Variants in DPP10 observed in about 807,000 individuals in gnomAD.
The protein encoded by DPP10 is inactive dipeptidyl peptidase 10.
In DPP10, 33 loss-of-function variants were observed where a neutral mutation model predicts 120.9. The observed-to-expected ratio is 0.27, with a 90% confidence interval of 0.21 to 0.37. The LOEUF is 0.37. Among genes scored for constraint, DPP10 ranks in the 10% least tolerant of loss-of-function variants. DPP10 has a pLI of 1.00. For synonymous variants in DPP10, 337 were observed against 326.1 expected (o/e 1.03, Z -0.36); for missense variants, 816 against 942.8 (o/e 0.87, Z 1.76).
chr2:114,609,776 A>G (rs1004877399), intron 1 of DPP10, among the ~76,000 whole-genome samples: 1 of 152,162 alleles, frequency 6.6e-6, no homozygotes, highest in Non-Finnish European at 1.5e-5. Context: ...GGTGACATAG[A>G]CTAAACCTTC....
intron 11 of DPP10, among the ~76,000 whole-genome samples, chr2:115,761,617 G>T (rs2149788753): frequency 6.6e-6 from 1 of 152,018 alleles, no homozygotes; most frequent in Middle Eastern, 3.4e-3. Flanking sequence ...AATGGTTAAT[G>T]CTAGGGTGTA....
At chr2:115,386,144 G>C (rs1221633450) in intron 3 of DPP10, among the ~76,000 whole-genome samples, 4 of 152,118 alleles carry the variant, frequency 2.6e-5, no homozygotes, top group Non-Finnish European at 5.9e-5. Context: ...CTTTATAAAG[G>C]AGGAAAGAGT....
intron 2 of DPP10, among the ~76,000 whole-genome samples, chr2:115,323,948 GA>G (rs900636182): frequency 6.6e-6 from 1 of 152,078 alleles, no homozygotes; most frequent in Non-Finnish European, 1.5e-5. Context: ...GATAGTAAAT[GA>G]GCCTTGGCTT....
At chr2:114,666,529 G>A (rs1697935854) in intron 1 of DPP10, among the ~76,000 whole-genome samples, 1 of 152,142 alleles carries the variant, frequency 6.6e-6, no homozygotes, top group Non-Finnish European at 1.5e-5. Context: ...TCTGAAGGAG[G>A]AAAATTTAGA....
At chr2:114,444,619 G>A (rs1162229421) in intron 1 of DPP10, among the ~76,000 whole-genome samples, 1 of 152,050 alleles carries the variant, frequency 6.6e-6, no homozygotes, top group Non-Finnish European at 1.5e-5. Flanking sequence ...ACATCATCTT[G>A]CTGATCTTGC....
chr2:114,932,740 T>G (rs1263179539), intron 1 of DPP10, among the ~76,000 whole-genome samples: 1 of 152,198 alleles, frequency 6.6e-6, no homozygotes, highest in Non-Finnish European at 1.5e-5. Flanking sequence ...GTTATACTGG[T>G]GTATTTAGAT....
At chr2:115,672,676 CTTTCTCTT>C (rs1318668882) in intron 5 of DPP10, among the ~76,000 whole-genome samples, 5 of 104,604 alleles carry the variant, frequency 4.8e-5, no homozygotes, top group African/African-American at 2.0e-4. Flanking sequence ...TTCTCTCTTT[CTTTCTCTT>C]TCTTTCTTTC....
chr2:114,511,954 T>C (rs2104585050), intron 1 of DPP10, among the ~76,000 whole-genome samples: 1 of 152,320 alleles, frequency 6.6e-6, no homozygotes. Context: ...CTAGAAAATG[T>C]TATATTCCAG....
intron 5 of DPP10, among the ~76,000 whole-genome samples, chr2:115,542,238 A>G (rs1381127919): frequency 6.6e-6 from 1 of 151,858 alleles, no homozygotes; most frequent in South Asian, 2.1e-4. Context: ...TTATACTCAC[A>G]TCTCTGGCTA....
chr2:115,207,440 A>AAAAAAAAG (rs1275054543), intron 1 of DPP10, among the ~76,000 whole-genome samples: 18 of 134,880 alleles, frequency 1.3e-4, no homozygotes, highest in African/African-American at 4.8e-4. Flanking sequence ...AAAAAAAAAA[A>AAAAAAAAG]AAAAAAGCTT....
intron 1 of DPP10, among the ~76,000 whole-genome samples, chr2:114,731,685 A>G (rs1242971958): frequency 1.3e-5 from 2 of 152,190 alleles, no homozygotes; most frequent in East Asian, 1.9e-4. Context: ...TGTGTTGGTC[A>G]TAGGAGGTGG....
rs974391621 is a variant in DPP10 at position 114,531,505 on chromosome 2, A to G, written c.60+88667A>G. Among the ~76,000 whole-genome samples the G allele has an allele frequency of 2.7e-5, 4 of 148,568 alleles. No homozygotes were observed. In the East Asian group the frequency reaches 7.8e-4, roughly 29 times the overall value. ...TATATATCTCTCCCTATATATATCT[A>G]TGTATACCATATATATATATTTATA... On this transcript the variant is annotated intron_variant, in intron 1 of 25. Transcript: ENST00000410059.
chr2:115,652,032 C>A (rs1297490623), intron 5 of DPP10, among the ~76,000 whole-genome samples: 2 of 151,976 alleles, frequency 1.3e-5, no homozygotes, highest in African/African-American at 4.8e-5. Context: ...CTATAATTGA[C>A]CTTATCTGTG....
chr2:114,805,716 G>C (rs1222052811), intron 1 of DPP10, among the ~76,000 whole-genome samples: 1 of 152,170 alleles, frequency 6.6e-6, no homozygotes, highest in African/African-American at 2.4e-5. Context: ...GACACTCAGA[G>C]ACCAAAGTGA....
rs577388113 is a variant in DPP10 at position 114,723,958 on chromosome 2, G to A, written c.60+281120G>A. Reference sequence around the variant, plus strand: ...CTCTGCACACCCATATAAAAGGATAGGCCCAACAAAAGTAATGAAACTGGG... The same window carrying A: ...CTCTGCACACCCATATAAAAGGATAAGCCCAACAAAAGTAATGAAACTGGG... On this transcript the variant is annotated intron_variant, in intron 1 of 25. Transcript: ENST00000410059. 4.6e-5 allele frequency among the ~76,000 whole-genome samples: 7 copies of A among 152,216 alleles called. No individual in the cohort carries two copies. In the East Asian group the frequency reaches 1.3e-3, roughly 29 times the overall value.
At chr2:115,216,512 A>G (rs2056828440) in intron 1 of DPP10, among the ~76,000 whole-genome samples, 1 of 152,112 alleles carries the variant, frequency 6.6e-6, no homozygotes, top group Non-Finnish European at 1.5e-5. Context: ...GGCTGGGTGC[A>G]GTGGCTCGTG....
At chr2:115,242,821 G>A (rs2058351194) in intron 1 of DPP10, among the ~76,000 whole-genome samples, 1 of 151,814 alleles carries the variant, frequency 6.6e-6, no homozygotes. Flanking sequence ...TATAACTGGG[G>A]GCCATTTCTA....
chr2:114,817,085 T>C (rs1305014674), intron 1 of DPP10, among the ~76,000 whole-genome samples: 1 of 152,176 alleles, frequency 6.6e-6, no homozygotes, highest in African/African-American at 2.4e-5. Flanking sequence ...TGAGGGAGAC[T>C]TTTAAAGGCA....
chr2:115,700,645 T>A (rs1220165687), intron 7 of DPP10, among the ~76,000 whole-genome samples: 1 of 152,056 alleles, frequency 6.6e-6, no homozygotes, highest in Non-Finnish European at 1.5e-5. Context: ...TAAAATTATT[T>A]CCATTTACAG....
Sources: gnomAD v4.1 joint callset for allele counts (sites outside exome capture counted in the v4.1 genomes callset) on GRCh38, gnomAD v4.1.1 for gene constraint, MANE v1.5 for transcripts, NCBI Gene and HGNC (gene_info 2026-07-23, HGNC 2026-07-21) for gene names.